Variants in PBX1 observed in about 807,000 individuals in gnomAD.
The protein encoded by PBX1 is pre-B-cell leukemia transcription factor 1.
In PBX1, 6 loss-of-function variants were observed where a neutral mutation model predicts 53.4. The observed-to-expected ratio is 0.11, with a 90% CI of 0.06 to 0.22. The LOEUF (loss-of-function observed/expected upper bound fraction) is 0.22, where lower values mean the gene tolerates loss of function less well. Among genes scored for constraint, PBX1 ranks in the 10% least tolerant of loss-of-function variants. PBX1 has a pLI of 1.00. For missense variants in PBX1, 251 were observed against 551.4 expected, an observed-to-expected ratio of 0.46 and a Z score of 5.46; for synonymous variants, 204 against 212.3, an observed-to-expected ratio of 0.96 and a Z score of 0.34.
At chr1:164,693,213 A>G (rs1045728034) in intron 2 of PBX1, among the ~76,000 whole-genome samples, 1 of 152,204 alleles carries the variant, frequency 6.6e-6, no homozygotes, top group African/African-American at 2.4e-5. Flanking sequence ...GCTGTCTCTG[A>G]ACTGGCCCTG....
chr1:164,614,920 C>G (rs1248345622), intron 2 of PBX1, among the ~76,000 whole-genome samples: 1 of 152,110 alleles, frequency 6.6e-6, no homozygotes, highest in Non-Finnish European at 1.5e-5. Flanking sequence ...ACTACAGGAG[C>G]CTGTCACCAC....
chr1:164,866,730 A>G lies in PBX1; in HGVS notation n.258-32458A>G, dbSNP rs903323721. ...ATTATTTTATTATCTGTGTACTTCA[A>G]TGTTCCCAAATTAAGCCAGATAACT... On this transcript the variant is annotated intron_variant and non_coding_transcript_variant, in intron 2 of 2. Transcript: ENST00000558796. Among the ~76,000 whole-genome samples the G allele has an allele frequency of 3.9e-5, 6 of 152,212 alleles. 1 individual carries two copies. The highest frequency in any genetic ancestry group is 3.8e-4 in the East Asian group (2 of 5,196).
At chr1:164,763,286 G>C (rs1371860188) in intron 2 of PBX1, among the ~76,000 whole-genome samples, 1 of 152,186 alleles carries the variant, frequency 6.6e-6, no homozygotes, top group African/African-American at 2.4e-5. Context: ...AGGTGATCCT[G>C]TGTCATCCTC....
intron 2 of PBX1, among the ~76,000 whole-genome samples, chr1:164,874,673 T>G (rs1375671889): frequency 6.6e-6 from 1 of 152,174 alleles, no homozygotes; most frequent in African/African-American, 2.4e-5. Flanking sequence ...TTTGTATTTT[T>G]GGTAGAGACG....
intron 8 of PBX1, among the ~76,000 whole-genome samples, chr1:164,834,007 G>A (rs1340367612): frequency 7.5e-6 from 1 of 133,962 alleles, no homozygotes; most frequent in African/African-American, 2.9e-5. Flanking sequence ...TATATACCCT[G>A]GATATGGGTA....
At chr1:164,733,571 A>G (rs1005910709) in intron 2 of PBX1, among the ~76,000 whole-genome samples, 1 of 152,224 alleles carries the variant, frequency 6.6e-6, no homozygotes, top group South Asian at 2.1e-4. Context: ...TTGATGGTAC[A>G]TAAAAGGAAT....
chr1:164,873,111 G>A (rs2102456782), intron 2 of PBX1, among the ~76,000 whole-genome samples: 1 of 152,276 alleles, frequency 6.6e-6, no homozygotes, highest in East Asian at 1.9e-4. Flanking sequence ...TACACAACCA[G>A]TATATGGTCG....
intron 2 of PBX1, among the ~76,000 whole-genome samples, chr1:164,649,762 G>T (rs1017636874): frequency 3.3e-5 from 5 of 152,144 alleles, no homozygotes; most frequent in African/African-American, 1.2e-4. Context: ...AAATGACCAT[G>T]CTGGGTCTGT....
rs1483998359 is a variant in PBX1, at chr1:164,849,921, AT to A, written c.*3246del. 4.4e-6 allele frequency: 1 copy of A among 228,806 alleles called. No individual in the cohort carries two copies. The highest frequency in any genetic ancestry group is 2.2e-5 in the African/African-American group (1 of 45,120). The allele number at this position is 228,806 out of a possible 1,614,324, so 14.2% of individuals were successfully genotyped here. On this transcript the variant is annotated 3_prime_UTR_variant, in exon 9 of 9. Coordinates refer to ENST00000420696, the MANE Select transcript of PBX1 (RefSeq NM_002585.4). ...AAAAAACTTTAAAAGAAACAAAAAA[AT>A]ACTCAACGATTCTTTCAGCTTTATT...
intron 2 of PBX1, among the ~76,000 whole-genome samples, chr1:164,650,956 T>C (rs1659772378): frequency 9.9e-6 from 1 of 100,662 alleles, no homozygotes; most frequent in South Asian, 3.5e-4. Flanking sequence ...GGAATGATGT[T>C]GCTCAGAAAA....
intron 2 of PBX1, among the ~76,000 whole-genome samples, chr1:164,746,468 C>G (rs1342443506): frequency 6.6e-6 from 1 of 152,138 alleles, no homozygotes; most frequent in African/African-American, 2.4e-5. Context: ...CCTCCACCTC[C>G]CAGGTTCAAG....
intron 2 of PBX1, among the ~76,000 whole-genome samples, chr1:164,720,682 G>A (rs932250395): frequency 6.6e-6 from 1 of 152,112 alleles, no homozygotes; most frequent in African/African-American, 2.4e-5. Flanking sequence ...TGACCAAACC[G>A]GGGGCTCAAG....
chr1:164,816,051 A>T (rs1270027983), intron 6 of PBX1: 1 of 152,200 alleles, frequency 6.6e-6, no homozygotes, highest in African/African-American at 2.4e-5. Flanking sequence ...TTTGTTTTTT[A>T]AAACCAAGTG....
At chr1:164,571,750 C>T (rs951984806) in intron 2 of PBX1, among the ~76,000 whole-genome samples, 3 of 150,706 alleles carry the variant, frequency 2.0e-5, no homozygotes, top group African/African-American at 4.9e-5. Context: ...GTTGCTGGCT[C>T]GTGATAACTC....
chr1:164,820,381 T>C (rs1423249814), intron 7 of PBX1, among the ~76,000 whole-genome samples, 197 bp downstream of exon 7: 1 of 152,210 alleles, frequency 6.6e-6, no homozygotes, highest in Non-Finnish European at 1.5e-5. Context: ...CATTTGGCTC[T>C]GGCTTTTCAG....
chr1:164,875,988 G>GTATGTATATATATATATA (rs1553256088), intron 2 of PBX1, among the ~76,000 whole-genome samples: 34 of 56,934 alleles, frequency 6.0e-4, no homozygotes, highest in East Asian at 2.7e-3. Flanking sequence ...TGGTGTATGT[G>GTATGTATATATATATATA]TATATATATA....
intron 2 of PBX1, among the ~76,000 whole-genome samples, chr1:164,634,562 T>C (rs1658620582): frequency 6.6e-6 from 1 of 152,172 alleles, no homozygotes; most frequent in African/African-American, 2.4e-5. Flanking sequence ...CCCACAATGC[T>C]CTTTGGGTTT....
chr1:164,583,875 C>T (rs1654786175), intron 2 of PBX1, among the ~76,000 whole-genome samples: 1 of 152,156 alleles, frequency 6.6e-6, no homozygotes, highest in Non-Finnish European at 1.5e-5. Flanking sequence ...AACGAAGGCG[C>T]TTTAGGGCAG....
At chr1:164,773,852 A>G (rs1179006344) in intron 2 of PBX1, among the ~76,000 whole-genome samples, 2 of 152,164 alleles carry the variant, frequency 1.3e-5, no homozygotes, top group East Asian at 3.8e-4. Flanking sequence ...GACTGAAGAG[A>G]AGGAAGCGTG....
Sources: allele counts gnomAD v4.1 joint callset (sites outside exome capture counted in the v4.1 genomes callset), GRCh38; gene constraint gnomAD v4.1.1; transcripts MANE v1.5; gene names NCBI Gene and HGNC (gene_info 2026-07-23, HGNC 2026-07-21).